Variants in KCNH7 observed in about 807,000 individuals in gnomAD.
KCNH7 encodes potassium voltage-gated channel subfamily H member 7.
KCNH7 carries 49 observed loss-of-function variants against 120.8 expected under a neutral mutation model. The ratio of observed to expected loss-of-function variants is 0.41; its 90% CI spans 0.32 to 0.51. The LOEUF (loss-of-function observed/expected upper bound fraction) is 0.51. Ranked by LOEUF, KCNH7 falls within the 20% of genes least tolerant of loss-of-function variation. The pLI, the probability that KCNH7 is intolerant of heterozygous loss-of-function variation, is 0.38. For missense variants in KCNH7, 1,097 were observed against 1,446.6 expected (o/e 0.76, Z 3.92); for synonymous variants, 547 against 516.1 (o/e 1.06, Z -0.81).
At chr2:162,424,897 G>A (rs963844249) in intron 8 of KCNH7, among the ~76,000 whole-genome samples, 1 of 152,146 alleles carries the variant, frequency 6.6e-6, no homozygotes, top group Non-Finnish European at 1.5e-5. Flanking sequence ...ACTTGACTGG[G>A]CCACAGTGTG....
At chr2:162,812,951 T>A (rs1684788128) in intron 2 of KCNH7, among the ~76,000 whole-genome samples, 1 of 151,874 alleles carries the variant, frequency 6.6e-6, no homozygotes, top group South Asian at 2.1e-4. Flanking sequence ...TCCTGGAACT[T>A]GAGGATGAAG....
intron 2 of KCNH7, among the ~76,000 whole-genome samples, chr2:162,628,675 T>C (rs912815736): frequency 1.3e-5 from 2 of 152,086 alleles, no homozygotes; most frequent in African/African-American, 4.8e-5. Context: ...CTCCCACTTA[T>C]ACGTAAGAAC....
At chr2:162,666,428 C>A (rs1475046401) in intron 2 of KCNH7, among the ~76,000 whole-genome samples, 2 of 151,354 alleles carry the variant, frequency 1.3e-5, no homozygotes, top group Non-Finnish European at 2.9e-5. Flanking sequence ...CTCACTGCAT[C>A]CAAAGAACGT....
At chr2:162,666,540 A>T (rs1465170736) in intron 2 of KCNH7, among the ~76,000 whole-genome samples, 1 of 152,140 alleles carries the variant, frequency 6.6e-6, no homozygotes, top group Non-Finnish European at 1.5e-5. Context: ...ATGTTCAAAT[A>T]AAACCTAGGG....
intron 2 of KCNH7, among the ~76,000 whole-genome samples, chr2:162,666,581 C>T (rs565873832): frequency 6.6e-6 from 1 of 152,264 alleles, no homozygotes; most frequent in Non-Finnish European, 1.5e-5. Flanking sequence ...TCCCACACCT[C>T]ATGTGCCTTT....
intron 2 of KCNH7, among the ~76,000 whole-genome samples, chr2:162,748,151 C>T (rs987813429): frequency 4.6e-5 from 7 of 152,344 alleles, no homozygotes; most frequent in African/African-American, 1.2e-4. Flanking sequence ...AAGGCAAATA[C>T]TCTTGGGACC....
chr2:162,686,326 C>T (rs889880544), intron 2 of KCNH7, among the ~76,000 whole-genome samples: 2 of 152,094 alleles, frequency 1.3e-5, no homozygotes, highest in Admixed American at 6.6e-5. Flanking sequence ...GTTAACTTCT[C>T]GGCCAAGCAG....
chr2:162,802,441 G>A (rs553032907), intron 2 of KCNH7, among the ~76,000 whole-genome samples: 99 of 151,476 alleles, frequency 6.5e-4, no homozygotes, highest in African/African-American at 2.1e-3. Flanking sequence ...CTTCTCTCTC[G>A]GGTCATATTC....
intron 3 of KCNH7, chr2:162,527,901 A>T: frequency 6.6e-6 from 1 of 152,002 alleles, no homozygotes; most frequent in Non-Finnish European, 1.5e-5. Context: ...ACATTCATTA[A>T]CCTAGACCAT....
At chr2:162,821,738 G>A (rs1685127807) in intron 2 of KCNH7, among the ~76,000 whole-genome samples, 1 of 152,052 alleles carries the variant, frequency 6.6e-6, no homozygotes, top group Non-Finnish European at 1.5e-5. Context: ...GCTTATATTT[G>A]GACATTTACA....
intron 2 of KCNH7, among the ~76,000 whole-genome samples, chr2:162,725,808 C>T (rs577529604): frequency 6.6e-6 from 1 of 152,278 alleles, no homozygotes; most frequent in South Asian, 2.1e-4. Flanking sequence ...AGAAAACACT[C>T]AGCTTACATA....
At position 162,536,971 on chromosome 2, in the gene KCNH7, G is replaced by T; in HGVS notation, c.417C>A (p.Ala139=). 6.2e-7 allele frequency: 1 copy of T among 1,612,772 alleles called. No homozygotes were observed. The highest frequency in any genetic ancestry group is 8.5e-7 in the Non-Finnish European group (1 of 1,179,144). Residue 139 remains alanine (A), a synonymous_variant, in exon 3 of 16, where the codon GCC becomes GCA. Transcript: ENST00000332142. ...FEYVTDNENA[A]TPERVNPILP... is the part of the protein sequence containing the mutation. ...ATATTGGGTTTACCCTCTCTGGGGT[G>T]GCAGCGTTTTCATTATCCGTCACAT...
chr2:162,694,477 A>AGT (rs71009366), intron 2 of KCNH7, among the ~76,000 whole-genome samples: 11,639 of 146,342 alleles, frequency 0.08, 502 homozygotes, highest in African/African-American at 0.13. Context: ...TGTGTGAAAG[A>AGT]GTGTGTGTGT....
At chr2:162,672,011 A>T (rs1030569569) in intron 2 of KCNH7, among the ~76,000 whole-genome samples, 7 of 152,122 alleles carry the variant, frequency 4.6e-5, no homozygotes, top group Non-Finnish European at 8.8e-5. Flanking sequence ...AATTACATGT[A>T]ACTAATGACG....
intron 2 of KCNH7, among the ~76,000 whole-genome samples, chr2:162,783,519 G>A (rs540338088): frequency 2.0e-5 from 3 of 152,248 alleles, no homozygotes; most frequent in African/African-American, 7.2e-5. Flanking sequence ...TGTAGCAGAC[G>A]GAATGTGGTT....
intron 2 of KCNH7, among the ~76,000 whole-genome samples, chr2:162,692,861 G>C (rs1284169562): frequency 1.3e-5 from 2 of 152,082 alleles, no homozygotes; most frequent in Non-Finnish European, 2.9e-5. Context: ...AACACACCAA[G>C]AGTAATCCAG....
At chr2:162,720,219 G>A (rs778993958) in intron 2 of KCNH7, among the ~76,000 whole-genome samples, 12 of 146,296 alleles carry the variant, frequency 8.2e-5, no homozygotes, top group Non-Finnish European at 1.6e-4. Context: ...AAGTGTAAGA[G>A]ATCAACTAAA....
intron 2 of KCNH7, among the ~76,000 whole-genome samples, chr2:162,598,357 C>T (rs1694445942): frequency 6.6e-6 from 1 of 151,928 alleles, no homozygotes; most frequent in South Asian, 2.1e-4. Context: ...AGAAAAACCC[C>T]TTCAATTATA....
rs1685514164 is a variant in KCNH7 at position 162,675,821 on chromosome 2, T to C, written c.308-138741A>G. Among the ~76,000 whole-genome samples the C allele has an allele frequency of 2.6e-5, 4 of 151,568 alleles. 1 individual carries two copies. In the South Asian group the frequency reaches 8.3e-4, roughly 31 times the overall value. On this transcript the variant is annotated intron_variant, in intron 2 of 15. Transcript: ENST00000332142. ...ATTTACATATGAAAATACTATTTTA[T>C]ACATGTTAATTATTTTACTGAAATT...
Sources: allele counts gnomAD v4.1 joint callset (sites outside exome capture counted in the v4.1 genomes callset), GRCh38; gene constraint gnomAD v4.1.1; transcripts MANE v1.5; gene names NCBI Gene and HGNC (gene_info 2026-07-23, HGNC 2026-07-21).